The following WNT7B variants were observed in gnomAD, a reference collection of about 807,000 sequenced individuals.
WNT7B encodes Wnt family member 7B.
In WNT7B, 19 loss-of-function variants were observed where a neutral mutation model predicts 38.2. That is an observed-to-expected ratio of 0.50 (90% CI 0.35 to 0.73). The LOEUF (loss-of-function observed/expected upper bound fraction) is 0.73, where lower values mean the gene tolerates loss of function less well. Ranked by LOEUF, WNT7B falls within the 30% of genes least tolerant of loss-of-function variation. The pLI is 0.01. For missense variants in WNT7B, 423 were observed against 507.9 expected, an observed-to-expected ratio of 0.83 and a Z score of 1.61; for synonymous variants, 243 against 209.3, an observed-to-expected ratio of 1.16 and a Z score of -1.39.
intron 3 of WNT7B, chr22:45,927,549 G>C (rs1241071985): frequency 3.5e-5 from 50 of 1,439,452 alleles, no homozygotes; most frequent in Non-Finnish European, 4.7e-5. Context: ...CGGAGAGGAG[G>C]TCACCCTGGG....
chr22:45,970,889 G>A (rs1232541500), intron 1 of WNT7B, among the ~76,000 whole-genome samples: 2 of 152,226 alleles, frequency 1.3e-5, no homozygotes, highest in Non-Finnish European at 2.9e-5. Context: ...CCCCCCTCAG[G>A]CGATGCCTCC....
At chr22:45,932,709 G>C (rs915026214) in intron 2 of WNT7B, among the ~76,000 whole-genome samples, 8 of 152,182 alleles carry the variant, frequency 5.3e-5, no homozygotes, top group Non-Finnish European at 8.8e-5. Flanking sequence ...ACACCGAGCA[G>C]GCTCAACCAT....
chr22:45,961,778 G>A (rs940070739), intron 1 of WNT7B, among the ~76,000 whole-genome samples: 12 of 152,340 alleles, frequency 7.9e-5, no homozygotes, highest in African/African-American at 2.9e-4. Flanking sequence ...CTGGGTACCT[G>A]CAGCTGTGTC....
chr22:45,943,253 G>A (rs936900533), intron 2 of WNT7B, among the ~76,000 whole-genome samples: 16 of 152,188 alleles, frequency 1.1e-4, no homozygotes, highest in Admixed American at 5.2e-4. Context: ...ACCCGGGCTC[G>A]GGCTGAGTCA....
In WNT7B at chr22:45,937,995, C is replaced by T. The variant is rs113308318; in HGVS notation, c.299-6626G>A. 1.9e-3 allele frequency among the ~76,000 whole-genome samples: 289 copies of T among 151,646 alleles called. 1 individual carries two copies. The highest frequency in any genetic ancestry group is 6.9e-3 in the African/African-American group (283 of 41,300). The stretch of plus-strand genomic sequence containing the variant: ...TTGCACTCCAGCCTGGGCAATAGAG[C>T]GAGACTCCGTCTAAAAAAAAAAATG... On this transcript the variant is annotated intron_variant, in intron 2 of 3. Transcript: ENST00000339464.
chr22:45,948,589 A>T (rs1011824789), intron 2 of WNT7B, among the ~76,000 whole-genome samples: 1 of 152,032 alleles, frequency 6.6e-6, no homozygotes, highest in Non-Finnish European at 1.5e-5. Context: ...TCTGCCAGTT[A>T]TCCCCCCCCT....
chr22:45,948,187 C>T (rs1296261323), intron 2 of WNT7B, among the ~76,000 whole-genome samples: 1 of 152,230 alleles, frequency 6.6e-6, no homozygotes, highest in Non-Finnish European at 1.5e-5. Context: ...ACAGCTGCCT[C>T]TGAGCCCGCC....
intron 2 of WNT7B, among the ~76,000 whole-genome samples, chr22:45,934,150 A>C (rs934338808): frequency 6.6e-6 from 1 of 152,200 alleles, no homozygotes; most frequent in African/African-American, 2.4e-5. Flanking sequence ...AGGCACAGAG[A>C]GTGGCTGGAG....
intron 2 of WNT7B, among the ~76,000 whole-genome samples, chr22:45,934,445 C>T (rs1384878045): frequency 6.6e-6 from 1 of 152,130 alleles, no homozygotes; most frequent in Admixed American, 6.5e-5. Context: ...ATGTGTCACC[C>T]GATGGAGGGG....
At chr22:45,938,177 G>T (rs747509034) in intron 2 of WNT7B, among the ~76,000 whole-genome samples, 2 of 152,172 alleles carry the variant, frequency 1.3e-5, no homozygotes, top group Non-Finnish European at 2.9e-5. Context: ...GCAGTGGCAC[G>T]CAGGTCATCA....
At chr22:45,931,611 T>A (rs1395608247) in intron 2 of WNT7B, among the ~76,000 whole-genome samples, 1 of 135,460 alleles carries the variant, frequency 7.4e-6, no homozygotes, top group African/African-American at 2.5e-5. Context: ...GAGTGCCTGG[T>A]ACACAGCAGG....
chr22:45,973,573 C>G (rs1014997456), intron 1 of WNT7B, among the ~76,000 whole-genome samples: 1 of 152,190 alleles, frequency 6.6e-6, no homozygotes, highest in South Asian at 2.1e-4. Context: ...AGAACTGCAG[C>G]GACTCCAGTT....
intron 3 of WNT7B, among the ~76,000 whole-genome samples, chr22:45,930,488 C>A (rs566502129): frequency 6.6e-6 from 1 of 152,334 alleles, no homozygotes; most frequent in Admixed American, 6.5e-5. Context: ...GTATCTGGGG[C>A]CCTCATCTCC....
intron 2 of WNT7B, among the ~76,000 whole-genome samples, chr22:45,935,464 G>T (rs1931491819): frequency 6.6e-6 from 1 of 152,184 alleles, no homozygotes; most frequent in Non-Finnish European, 1.5e-5. Context: ...TGCCCTGGGG[G>T]ACAGCAGCCC....
intron 1 of WNT7B, among the ~76,000 whole-genome samples, chr22:45,960,376 A>T (rs1027422493): frequency 1.3e-5 from 2 of 151,998 alleles, no homozygotes; most frequent in Admixed American, 1.3e-4. Flanking sequence ...TCCTAAGGCC[A>T]CTGTGTCAGC....
chr22:45,941,234 G>A (rs543122817), intron 2 of WNT7B, among the ~76,000 whole-genome samples: 3 of 152,280 alleles, frequency 2.0e-5, no homozygotes, highest in East Asian at 1.9e-4. Context: ...GAAGGGCCGG[G>A]CGCGGTGGCT....
intron 3 of WNT7B, among the ~76,000 whole-genome samples, chr22:45,928,877 GACC>G (rs1931189808): frequency 6.7e-6 from 1 of 148,682 alleles, no homozygotes; most frequent in Non-Finnish European, 1.5e-5. Flanking sequence ...GACATACCAC[GACC>G]TTGGTTCCCC....
rs572751361 is a variant in WNT7B at position 45,954,885 on chromosome 22, T to C, written c.72-4739A>G. On this transcript the variant is annotated intron_variant, in intron 1 of 3. Transcript: ENST00000339464. ...TGCTAGGTGAGTGGTGCCATCCTCATTTTGCAGGTGTGCAGATTAGAGCTC... is the reference window on the plus strand; with the variant it reads ...TGCTAGGTGAGTGGTGCCATCCTCACTTTGCAGGTGTGCAGATTAGAGCTC... 8.2e-6 allele frequency: 4 copies of C among 488,464 alleles called. No individual in the cohort carries two copies. In the Admixed American group the frequency reaches 2.6e-4, roughly 31 times the overall value. The allele number at this position is 488,464 out of a possible 1,614,324, so 30.3% of individuals were successfully genotyped here. A position where few individuals can be genotyped will look rare whatever the true frequency, so the allele number is the denominator to read the frequency against.
At chr22:45,927,159 T>C (rs1167216118) in intron 3 of WNT7B, 17 of 984,730 alleles carry the variant, frequency 1.7e-5, no homozygotes, top group Non-Finnish European at 2.0e-5. Flanking sequence ...CTGACCTGCC[T>C]GCCCCACGTA....
Sources: allele counts gnomAD v4.1 joint callset (sites outside exome capture counted in the v4.1 genomes callset), GRCh38; gene constraint gnomAD v4.1.1; transcripts MANE v1.5; gene names NCBI Gene and HGNC (gene_info 2026-07-23, HGNC 2026-07-21).